CAPN6: variants seen among roughly 807,000 people sequenced by gnomAD.
CAPN6 encodes calpain 6.
Under a neutral mutation model 46.0 loss-of-function variants are expected in CAPN6, and 16 were observed. The ratio of observed to expected loss-of-function variants is 0.35; its 90% CI spans 0.24 to 0.53. The LOEUF is 0.53. Ranked by LOEUF, CAPN6 falls within the 20% of genes least tolerant of loss-of-function variation. The pLI is 0.94. For synonymous variants in CAPN6, 206 were observed against 172.8 expected, an observed-to-expected ratio of 1.19 and a Z score of -1.51; for missense variants, 461 against 498.0, an observed-to-expected ratio of 0.93 and a Z score of 0.71.
In CAPN6 at chrX:111,254,259, G is replaced by A. The variant is rs1207102874; in HGVS notation, c.297+13C>T. ...AGTGGAAACTGAATGAGGTCCCACA[G>A]GAGGGATAATACCTTTGTCCAATGA... On this transcript the variant is annotated intron_variant, in intron 3 of 12. Transcript: ENST00000324068. The A allele has an allele frequency of 4.2e-6, 5 of 1,183,802 alleles. No homozygotes were observed. Among genetic ancestry groups the A allele is most frequent in the Non-Finnish European group, 5.7e-6 (5 of 878,796 alleles).
chrX:111,267,126 G>A (rs1038931617), intron 1 of CAPN6, among the ~76,000 whole-genome samples: 4 of 111,757 alleles, frequency 3.6e-5, no homozygotes, highest in African/African-American at 9.8e-5. Flanking sequence ...GAGCCCTTAC[G>A]TTAAAGATCA....
intron 4 of CAPN6, 64 bp downstream of exon 4, chrX:111,252,944 A>T (rs1004746738): frequency 2.1e-6 from 2 of 971,176 alleles, no homozygotes; most frequent in African/African-American, 3.8e-5. Context: ...TGAGCTCCCA[A>T]AGATAAATGT....
chrX:111,256,856 C>A (rs966454037), intron 2 of CAPN6, among the ~76,000 whole-genome samples: 12 of 103,973 alleles, frequency 1.2e-4, no homozygotes, highest in Non-Finnish European at 2.2e-4. Context: ...CCCCCCCCCC[C>A]ACAACATTCC....
intron 2 of CAPN6, among the ~76,000 whole-genome samples, chrX:111,255,856 G>C (rs898005797): frequency 2.7e-5 from 3 of 111,269 alleles, no homozygotes; most frequent in Non-Finnish European, 5.7e-5. Context: ...TTTTTTTTTA[G>C]ATGCATGCCT....
chrX:111,260,660 G>T (rs1569481494), intron 2 of CAPN6, among the ~76,000 whole-genome samples: 1 of 111,790 alleles, frequency 8.9e-6, no homozygotes, highest in Non-Finnish European at 1.9e-5. Flanking sequence ...TTGACCACAG[G>T]CTTGGCCTCC....
chrX:111,263,611 T>C (rs17880083), intron 2 of CAPN6, among the ~76,000 whole-genome samples, 161 bp downstream of exon 2: 1,140 of 111,318 alleles, frequency 0.01, 22 homozygotes, highest in African/African-American at 0.036. Context: ...AATTTTTATT[T>C]GTTAATTATA....
chrX:111,262,103 A>T (rs1172376311), intron 2 of CAPN6, among the ~76,000 whole-genome samples: 1 of 111,718 alleles, frequency 9.0e-6, no homozygotes, highest in African/African-American at 3.3e-5. Flanking sequence ...TTGCAAATAA[A>T]AAAAAAAGCC....
chrX:111,264,974 T>G (rs2094990705), intron 1 of CAPN6, among the ~76,000 whole-genome samples: 1 of 112,184 alleles, frequency 8.9e-6, no homozygotes, highest in Non-Finnish European at 1.9e-5. Context: ...AGAATGAGAT[T>G]GTGAAATTTA....
At position 111,251,742 on chromosome X, in the gene CAPN6, A is replaced by G; in HGVS notation, c.700T>C (p.Ser234Pro). ...ACTTCTTGCTCCTCCTGATTGGGAGACTGAGAGCAAAGAAAGATATATAAA... is the reference window on the plus strand; with the variant it reads ...ACTTCTTGCTCCTCCTGATTGGGAGGCTGAGAGCAAAGAAAGATATATAAA... ...KGGLICCSIE[S>P]PNQEEQEVET... The change falls in exon 6 of 13, where the codon TCT becomes CCT. Residue 234 changes from serine (S) to proline (P), a missense_variant and splice_region_variant. Physicochemically the swap from Ser to Pro is moderately conservative, Grantham distance 74. Transcript: ENST00000324068. The G allele has an allele frequency of 8.3e-7, 1 of 1,199,710 alleles. No homozygotes were observed. Among genetic ancestry groups the G allele is most frequent in the African/African-American group, 1.7e-5 (1 of 57,416 alleles).
At chrX:111,247,841 TG>T in intron 11 of CAPN6, 29 bp downstream of exon 11, 1 of 1,201,230 alleles carries the variant, frequency 8.3e-7, no homozygotes, top group Non-Finnish European at 1.1e-6. Context: ...AACTGAATTT[TG>T]CTTTCCCAGA....
intron 4 of CAPN6, 65 bp downstream of exon 4, chrX:111,252,943 A>T (rs2094980934): frequency 3.1e-6 from 3 of 970,482 alleles, no homozygotes; most frequent in Non-Finnish European, 2.9e-6. Flanking sequence ...ATGAGCTCCC[A>T]AAGATAAATG....
chrX:111,251,814 T>C lies in CAPN6; in HGVS notation c.700-72A>G, dbSNP rs978591568. On this transcript the variant is annotated intron_variant, in intron 5 of 12. Coordinates refer to ENST00000324068, the MANE Select transcript of CAPN6 (RefSeq NM_014289.4). ...AATCCTGACTCCTCTTCTTCATTAA[T>C]TGGCTTAACCCAGTAGGATTGAAGC... The C allele has an allele frequency of 5.0e-5, 46 of 922,825 alleles. No individual in the cohort carries two copies. In the East Asian group the frequency reaches 1.3e-3, roughly 26 times the overall value. 76.1% of individuals were successfully genotyped at this position (922,825 alleles called of 1,213,427 possible).
At chrX:111,258,227 T>C (rs1246927703) in intron 2 of CAPN6, among the ~76,000 whole-genome samples, 1 of 110,543 alleles carries the variant, frequency 9.0e-6, no homozygotes, top group East Asian at 2.8e-4. Flanking sequence ...AACATGGAGG[T>C]CCAGGGTAAA....
intron 2 of CAPN6, 123 bp downstream of exon 2, chrX:111,263,649 G>A (rs982417986): frequency 8.8e-6 from 4 of 455,683 alleles, no homozygotes; most frequent in Non-Finnish European, 1.4e-5. Flanking sequence ...AAAAAAGAAA[G>A]GAAGGAAGGA....
chrX:111,253,577 A>G (rs2094981428), intron 3 of CAPN6, among the ~76,000 whole-genome samples: 1 of 112,771 alleles, frequency 8.9e-6, no homozygotes, highest in South Asian at 3.7e-4. Context: ...GGCATTCTAA[A>G]GAGCAAAACC....
chrX:111,249,480 T>C (rs2094977323), intron 8 of CAPN6, among the ~76,000 whole-genome samples: 1 of 111,148 alleles, frequency 9.0e-6, no homozygotes, highest in Non-Finnish European at 1.9e-5. Context: ...CACCCTGGGC[T>C]AGCCTCCTTT....
Position 111,250,967 on chromosome X carries a change from G to C in CAPN6, c.1108C>G (p.Arg370Gly). The C allele has an allele frequency of 8.3e-7, 1 of 1,210,813 alleles. No homozygotes were observed. The highest frequency in any genetic ancestry group is 1.1e-6 in the Non-Finnish European group (1 of 894,998). Residue 370 changes from arginine (R) to glycine (G), a missense_variant, in exon 8 of 13, where the codon CGC becomes GGC. By Grantham distance (125) the Arg-to-Gly change is moderately radical (BLOSUM62 -2). Coordinates refer to ENST00000324068, the MANE Select transcript of CAPN6 (RefSeq NM_014289.4). ...WTVDDDPLMN[R>G]SGGCYNNRDT... The stretch of plus-strand genomic sequence containing the variant: ...CGGTTGTTATAGCAGCCTCCTGAGC[G>C]GTTCATCAGGGGATCATCATCCACA...
At chrX:111,264,388 G>A (rs2094990240) in intron 1 of CAPN6, among the ~76,000 whole-genome samples, 1 of 111,946 alleles carries the variant, frequency 8.9e-6, no homozygotes, top group African/African-American at 3.2e-5. Context: ...TGGTGCCCTG[G>A]AGAGTCGCAC....
At position 111,247,456 on chromosome X, in the gene CAPN6, G is replaced by T; in HGVS notation, c.1655C>A (p.Ser552Tyr). The T allele has an allele frequency of 8.3e-7, 1 of 1,207,875 alleles. No homozygotes were observed. The highest frequency in any genetic ancestry group is 1.1e-6 in the Non-Finnish European group (1 of 893,237). ...VIKCGKEEVRSPVQKNTVHAI... is the reference protein window; with the variant it reads ...VIKCGKEEVRYPVQKNTVHAI... ...ATGAACTGTATTCTTCTGGACAGGA[G>T]AACGGACTTCCTCCTTTCCACATTT... Residue 552 changes from serine (S) to tyrosine (Y), a missense_variant, in exon 12 of 13, where the codon TCT (serine) becomes TAT (tyrosine). By Grantham distance (144) the Ser-to-Tyr change is moderately radical. Transcript: ENST00000324068.
Sources: allele counts gnomAD v4.1 joint callset (sites outside exome capture counted in the v4.1 genomes callset), GRCh38; gene constraint gnomAD v4.1.1; transcripts MANE v1.5; gene names NCBI Gene and HGNC (gene_info 2026-07-23, HGNC 2026-07-21).